KCND3: variants seen among roughly 807,000 people sequenced by gnomAD.
KCND3 encodes potassium voltage-gated channel subfamily D member 3.
KCND3 carries 9 observed loss-of-function variants against 51.1 expected under a neutral mutation model. The observed-to-expected ratio is 0.18, with a 90% CI of 0.11 to 0.31. KCND3 has a LOEUF of 0.31. Among genes scored for constraint, KCND3 ranks in the 10% least tolerant of loss-of-function variants. The probability of loss-of-function intolerance (pLI) is 1.00; values close to 1 mark genes in which losing one functional copy is unlikely to be tolerated. For missense variants in KCND3, 526 were observed against 903.8 expected (o/e 0.58, Z 5.36); for synonymous variants, 349 against 368.0 (o/e 0.95, Z 0.59).
At chr1:111,815,342 G>A (rs561568743) in intron 2 of KCND3, among the ~76,000 whole-genome samples, 1 of 151,744 alleles carries the variant, frequency 6.6e-6, no homozygotes, top group South Asian at 2.1e-4. Flanking sequence ...TTCCCTTCAT[G>A]TGACAGAGTC....
intron 2 of KCND3, among the ~76,000 whole-genome samples, chr1:111,883,618 CACAG>C (rs1281393886): frequency 2.0e-5 from 3 of 152,196 alleles, no homozygotes; most frequent in Non-Finnish European, 4.4e-5. Context: ...TCTGTGTTTA[CACAG>C]ACACTACACT....
intron 2 of KCND3, among the ~76,000 whole-genome samples, chr1:111,907,537 G>C (rs1199085609): frequency 6.6e-6 from 1 of 152,184 alleles, no homozygotes; most frequent in Non-Finnish European, 1.5e-5. Flanking sequence ...TGCAGCTCTG[G>C]CTGACATCCT....
chr1:111,791,430 G>T (rs998865987), intron 2 of KCND3, among the ~76,000 whole-genome samples: 3 of 152,174 alleles, frequency 2.0e-5, no homozygotes, highest in African/African-American at 7.2e-5. Flanking sequence ...GATTGCAGTC[G>T]GGGAGGAAGA....
At chr1:111,915,619 G>T (rs965059871) in intron 2 of KCND3, among the ~76,000 whole-genome samples, 1 of 151,914 alleles carries the variant, frequency 6.6e-6, no homozygotes, top group South Asian at 2.1e-4. Context: ...TGGGCGTGGT[G>T]GTGGGCGCCT....
chr1:111,783,352 TC>T (rs1664471217), intron 3 of KCND3, among the ~76,000 whole-genome samples: 1 of 152,112 alleles, frequency 6.6e-6, no homozygotes, highest in African/African-American at 2.4e-5. Flanking sequence ...ATTTCCACCA[TC>T]AGACAAGTTT....
Position 111,930,123 on chromosome 1 carries a change from G to A in KCND3, c.1106+51498C>T, listed in dbSNP as rs775731030. On this transcript the variant is annotated intron_variant, in intron 2 of 7. Coordinates refer to ENST00000302127, the MANE Select transcript of KCND3 (RefSeq NM_001378969.1). ...GGGCTGCTGGAATGCGGGACAAAGC[G>A]AGGTGATTTGATGCAATTCACTGTT... Among the ~76,000 whole-genome samples the A allele has an allele frequency of 3.9e-5, 6 of 152,050 alleles. 1 individual carries two copies. The highest frequency in any genetic ancestry group is 4.8e-5 in the African/African-American group (2 of 41,412).
At position 111,884,245 on chromosome 1, in the gene KCND3, C is replaced by T. The variant is rs147961594; in HGVS notation, c.1107-97139G>A. ...TTCTTTAAAGTTTCAACTCAATTCT[C>T]TTGGACTCAGTCTTCTACACAGGTA... is the stretch of plus-strand genomic sequence containing the variant. On this transcript the variant is annotated intron_variant, in intron 2 of 7. Coordinates refer to ENST00000302127, the MANE Select transcript of KCND3 (RefSeq NM_001378969.1). Among the ~76,000 whole-genome samples, 331 of 152,306 alleles carry T rather than the reference C, an allele frequency of 2.2e-3. 1 individual carries two copies. Among genetic ancestry groups the T allele is most frequent in the African/African-American group, 7.6e-3 (315 of 41,552 alleles).
At chr1:111,977,905 T>C (rs1674728447) in intron 2 of KCND3, among the ~76,000 whole-genome samples, 1 of 152,210 alleles carries the variant, frequency 6.6e-6, no homozygotes, top group Non-Finnish European at 1.5e-5. Context: ...ACTGAGATAA[T>C]TGAGGATTTA....
At chr1:111,808,384 TA>T (rs1665677921) in intron 2 of KCND3, among the ~76,000 whole-genome samples, 3 of 152,224 alleles carry the variant, frequency 2.0e-5, no homozygotes, top group Non-Finnish European at 2.9e-5. Context: ...ATGCGAGAGT[TA>T]AAGCCTCCCC....
intron 2 of KCND3, among the ~76,000 whole-genome samples, chr1:111,879,681 C>T (rs1669212919): frequency 6.6e-6 from 1 of 152,216 alleles, no homozygotes; most frequent in Non-Finnish European, 1.5e-5. Context: ...TCCCTCGTGA[C>T]ATGTAGTCTC....
intron 2 of KCND3, among the ~76,000 whole-genome samples, chr1:111,968,638 G>A (rs1182372883): frequency 6.6e-6 from 1 of 152,156 alleles, no homozygotes; most frequent in Non-Finnish European, 1.5e-5. Flanking sequence ...GTTATCTCCT[G>A]GAACCAGAAG....
chr1:111,910,180 T>C (rs1257616502), intron 2 of KCND3: 1 of 152,212 alleles, frequency 6.6e-6, no homozygotes, highest in Non-Finnish European at 1.5e-5. Context: ...GGTTGACAGC[T>C]TGGCATTCTC....
intron 2 of KCND3, among the ~76,000 whole-genome samples, chr1:111,813,166 G>C (rs995481947): frequency 6.6e-6 from 1 of 152,118 alleles, no homozygotes; most frequent in Non-Finnish European, 1.5e-5. Flanking sequence ...ATGGGAAGGG[G>C]TCATAGTGAG....
At chr1:111,779,860 A>G (rs1664295740) in intron 5 of KCND3, among the ~76,000 whole-genome samples, 2 of 152,150 alleles carry the variant, frequency 1.3e-5, no homozygotes, top group African/African-American at 4.8e-5. Flanking sequence ...ACTCTTCTCT[A>G]CTCTCCTACA....
At chr1:111,807,536 T>A (rs751193847) in intron 2 of KCND3, among the ~76,000 whole-genome samples, 4 of 152,046 alleles carry the variant, frequency 2.6e-5, no homozygotes, top group Non-Finnish European at 5.9e-5. Context: ...AATAGCTGTG[T>A]GTGGTGGCGG....
At chr1:111,917,948 C>CTACGA (rs1292459455) in intron 2 of KCND3, among the ~76,000 whole-genome samples, 12 of 152,200 alleles carry the variant, frequency 7.9e-5, no homozygotes, top group Admixed American at 7.9e-4. Context: ...CAATGGTAGT[C>CTACGA]TACGAGGCAC....
At chr1:111,974,335 A>G (rs946292352) in intron 2 of KCND3, among the ~76,000 whole-genome samples, 5 of 151,866 alleles carry the variant, frequency 3.3e-5, no homozygotes, top group African/African-American at 9.7e-5. Context: ...ACTTCTTCCA[A>G]ATAAATTTCT....
chr1:111,959,998 C>T (rs1253157746), intron 2 of KCND3, among the ~76,000 whole-genome samples: 1 of 151,748 alleles, frequency 6.6e-6, no homozygotes, highest in Non-Finnish European at 1.5e-5. Flanking sequence ...TCCCCCTTTG[C>T]TCAGCACTCA....
chr1:111,795,829 C>T lies in KCND3; in HGVS notation c.1107-8723G>A, dbSNP rs1194633257. Among the ~76,000 whole-genome samples, 15 of 152,254 alleles carry T rather than the reference C, an allele frequency of 9.9e-5. No individual in the cohort carries two copies. In the Middle Eastern group the frequency reaches 0.01, roughly 104 times the overall value. On this transcript the variant is annotated intron_variant, in intron 2 of 7. Transcript: ENST00000302127. ...CAGTGTATAAGTGTTCCTTTTTCTC[C>T]ACAACCTCACCAGCATCTATTATTT... is the stretch of plus-strand genomic sequence containing the variant.
Sources: allele counts gnomAD v4.1 joint callset (sites outside exome capture counted in the v4.1 genomes callset), GRCh38; gene constraint gnomAD v4.1.1; transcripts MANE v1.5; gene names NCBI Gene and HGNC (gene_info 2026-07-23, HGNC 2026-07-21).